Variants in TRIM4 observed in about 807,000 individuals in gnomAD.
TRIM4 encodes E3 ubiquitin-protein ligase TRIM4.
Under a neutral mutation model 33.7 loss-of-function variants are expected in TRIM4, and 29 were observed. That is an observed-to-expected ratio of 0.86 (90% CI 0.64 to 1.17). TRIM4 has a LOEUF of 1.17. TRIM4 is among the 50% of genes most tolerant of loss of function. TRIM4 has a pLI of 0.00. For synonymous variants in TRIM4, 224 were observed against 233.0 expected, an observed-to-expected ratio of 0.96 and a Z score of 0.35; for missense variants, 554 against 593.7, an observed-to-expected ratio of 0.93 and a Z score of 0.69.
intron 5 of TRIM4, among the ~76,000 whole-genome samples, chr7:99,900,512 A>T (rs947834219): frequency 6.6e-6 from 1 of 152,172 alleles, no homozygotes; most frequent in African/African-American, 2.4e-5. Flanking sequence ...ACAATAATAT[A>T]TATTTATTCG....
At chr7:99,895,048 G>A (rs1031926524) in intron 5 of TRIM4, among the ~76,000 whole-genome samples, 1 of 152,118 alleles carries the variant, frequency 6.6e-6, no homozygotes, top group Non-Finnish European at 1.5e-5. Flanking sequence ...TTGGCTTTCT[G>A]TATTTCACTG....
At chr7:99,897,245 C>T (rs932206709) in intron 5 of TRIM4, among the ~76,000 whole-genome samples, 1 of 152,076 alleles carries the variant, frequency 6.6e-6, no homozygotes, top group Non-Finnish European at 1.5e-5. Flanking sequence ...AAAAGAAGAC[C>T]AACCACACCC....
chr7:99,910,145 CA>C (rs1199063024), intron 1 of TRIM4, among the ~76,000 whole-genome samples: 4 of 152,196 alleles, frequency 2.6e-5, no homozygotes, highest in African/African-American at 9.7e-5. Context: ...GAAATCATCA[CA>C]ACACTATATT....
chr7:99,908,760 T>G lies in TRIM4; in HGVS notation c.542A>C (p.His181Pro), dbSNP rs746994341. ...GTCCTCTTCTTCAACCAGGAAGTTGTGCAGCTTTGAAAACTCCGTGCTGAT... is the reference window on the plus strand; with the variant it reads ...GTCCTCTTCTTCAACCAGGAAGTTGGGCAGCTTTGAAAACTCCGTGCTGAT... ...MRISTEFSKLHNFLVEEEDLF... is the reference protein window; with the variant it reads ...MRISTEFSKLPNFLVEEEDLF... The change falls in exon 3 of 6, where the codon CAC (histidine) becomes CCC (proline). Residue 181 changes from histidine to proline, a missense_variant. This residue lies in a region of TRIM4 where 31 missense variants were observed against 54.8 expected (regional missense o/e 0.57). Transcript: ENST00000349062. 3.7e-6 allele frequency: 6 copies of G among 1,614,216 alleles called. No individual in the cohort carries two copies. Among genetic ancestry groups the G allele is most frequent in the Middle Eastern group, 1.6e-4 (1 of 6,062 alleles).
chr7:99,899,756 G>A (rs930044527), intron 5 of TRIM4, among the ~76,000 whole-genome samples: 1 of 152,144 alleles, frequency 6.6e-6, no homozygotes, highest in South Asian at 2.1e-4. Context: ...TGGTGGGTGG[G>A]TGTGTGTGCG....
intron 5 of TRIM4, chr7:99,902,182 C>G: frequency 1.3e-6 from 1 of 764,408 alleles, no homozygotes; most frequent in South Asian, 1.3e-5. Context: ...TTGCTGCAGA[C>G]AAGAAAACAA....
chr7:99,919,228 G>C lies in TRIM4; in HGVS notation c.174C>G (p.Pro58=). Residue 58 remains proline, a synonymous_variant, in exon 1 of 6, where the codon CCC becomes CCG. Transcript: ENST00000349062. ...GGGCCCAGTTGGGTCGCAGCGCGGC[G>C]GGCGCCGATGGGTGCCGACATTCGG... is the stretch of plus-strand genomic sequence containing the variant. ...PCPECRHPSA[P]AALRPNWALA... is the part of the protein sequence containing the mutation. 2.0e-6 allele frequency: 3 copies of C among 1,521,892 alleles called. No homozygotes were observed. Among genetic ancestry groups the C allele is most frequent in the Non-Finnish European group, 1.8e-6 (2 of 1,135,262 alleles). 94.3% of individuals were successfully genotyped at this position (1,521,892 alleles called of 1,614,324 possible).
At chr7:99,893,371 G>A (rs1177129096) in intron 5 of TRIM4, among the ~76,000 whole-genome samples, 1 of 28,872 alleles carries the variant, frequency 3.5e-5, no homozygotes, top group Non-Finnish European at 6.5e-5. Context: ...AAATTCTCAC[G>A]TTGAATCAAA....
chr7:99,916,576 C>T, intron 1 of TRIM4: 1 of 690,720 alleles, frequency 1.4e-6, no homozygotes, highest in South Asian at 1.7e-5. Context: ...GAACTACCAT[C>T]CAAGACTCCT....
Position 99,890,901 on chromosome 7 carries a change from C to T in TRIM4, c.*1262G>A, listed in dbSNP as rs1315801366. Reference sequence around the variant, plus strand: ...AGTTAAAATAAAATCCTCGTTAAATCACTGCCTGAAAGTCTTTACTGAAAA... The same window carrying T: ...AGTTAAAATAAAATCCTCGTTAAATTACTGCCTGAAAGTCTTTACTGAAAA... On this transcript the variant is annotated 3_prime_UTR_variant, in exon 6 of 6. Transcript: ENST00000349062. 1.3e-5 allele frequency: 2 copies of T among 152,232 alleles called. No homozygotes were observed. Among genetic ancestry groups the T allele is most frequent in the East Asian group, 3.8e-4 (2 of 5,202 alleles). The allele number at this position is 152,232 out of a possible 1,614,324, so 9.4% of individuals were successfully genotyped here.
chr7:99,907,439 A>C (rs1038993163), intron 3 of TRIM4, among the ~76,000 whole-genome samples: 1 of 152,128 alleles, frequency 6.6e-6, no homozygotes, highest in Admixed American at 6.6e-5. Flanking sequence ...TCGTTTCCCT[A>C]ACTTTGCATT....
intron 1 of TRIM4, among the ~76,000 whole-genome samples, chr7:99,910,467 T>C (rs962143440): frequency 6.6e-6 from 1 of 152,192 alleles, no homozygotes; most frequent in African/African-American, 2.4e-5. Flanking sequence ...CAGGTAGCTG[T>C]CTATATATTG....
Position 99,919,233 on chromosome 7 carries a change from C to T in TRIM4, c.169G>A (p.Ala57Thr). 6.5e-7 allele frequency: 1 copy of T among 1,527,074 alleles called. No homozygotes were observed. Among genetic ancestry groups the T allele is most frequent in the Non-Finnish European group, 8.8e-7 (1 of 1,137,238 alleles). 94.6% of individuals were successfully genotyped at this position (1,527,074 alleles called of 1,614,324 possible). The stretch of plus-strand genomic sequence containing the variant: ...CAGTTGGGTCGCAGCGCGGCGGGCG[C>T]CGATGGGTGCCGACATTCGGGGCAG... ...FPCPECRHPSAPAALRPNWAL... is the reference protein window; with the variant it reads ...FPCPECRHPSTPAALRPNWAL... Residue 57 changes from alanine to threonine, a missense_variant, in exon 1 of 6, where the codon GCG (alanine) becomes ACG (threonine). Ala to Thr is a moderately conservative substitution (Grantham distance 58). Transcript: ENST00000349062.
chr7:99,903,256 T>C lies in TRIM4; in HGVS notation c.803A>G (p.Gln268Arg), dbSNP rs764222632. The change falls in exon 5 of 6, where the codon CAG (glutamine) becomes CGG (arginine). Residue 268 changes from glutamine (Q) to arginine (R), a missense_variant. Coordinates refer to ENST00000349062, the MANE Select transcript of TRIM4 (RefSeq NM_033091.3). Reference protein sequence around the residue: ...LEAVKVKTVCQIPLMKEMLKR... With the variant: ...LEAVKVKTVCRIPLMKEMLKR... ...TAGCATTTCCTTCATCAATGGTATC[T>C]GGCACACTGTCTTCACCTTTACAGC... 3.7e-6 allele frequency: 6 copies of C among 1,613,464 alleles called. No individual in the cohort carries two copies. Among genetic ancestry groups the C allele is most frequent in the Non-Finnish European group, 5.1e-6 (6 of 1,179,578 alleles).
At chr7:99,913,504 T>TA (rs1819489361) in intron 1 of TRIM4, among the ~76,000 whole-genome samples, 1 of 151,442 alleles carries the variant, frequency 6.6e-6, no homozygotes. Flanking sequence ...CCGTCTTTAC[T>TA]AAAAATACAA....
At chr7:99,909,477 C>T in intron 2 of TRIM4, 88 bp downstream of exon 2, 1 of 1,128,766 alleles carries the variant, frequency 8.9e-7, no homozygotes, top group Non-Finnish European at 1.3e-6. Flanking sequence ...CTGCAAAACC[C>T]CATGACCAAA....
intron 3 of TRIM4, among the ~76,000 whole-genome samples, chr7:99,906,530 A>T (rs765102071): frequency 6.6e-5 from 10 of 152,166 alleles, no homozygotes; most frequent in Non-Finnish European, 1.5e-4. Flanking sequence ...TATGACAATA[A>T]ATATAACAAT....
At position 99,912,905 on chromosome 7, in the gene TRIM4, A is replaced by G. The variant is rs996016485; in HGVS notation, c.394-3245T>C. 1.2e-4 allele frequency among the ~76,000 whole-genome samples: 18 copies of G among 152,344 alleles called. No individual in the cohort carries two copies. The East Asian group carries it at 3.1e-3, about 26-fold the overall frequency. On this transcript the variant is annotated intron_variant, in intron 1 of 5. Coordinates refer to ENST00000349062, the MANE Select transcript of TRIM4 (RefSeq NM_033091.3). The stretch of plus-strand genomic sequence containing the variant: ...TTTCCTAACATTATATCATCTATTT[A>G]CTATCTCTAGTAGTTAACTTTAATA...
At position 99,892,682 on chromosome 7, in the gene TRIM4, G is replaced by C. The variant is rs200534198; in HGVS notation, c.906C>G (p.Tyr302Ter). Reference sequence around the variant, plus strand: ...AACTGGCTGATGCTGTATTTTTCACGTATCTCCCTTCCTGGGAGAAGACGA... The same window carrying C: ...AACTGGCTGATGCTGTATTTTTCACCTATCTCCCTTCCTGGGAGAAGACGA... Reference protein sequence around the residue: ...PKLVFSQEGRYVKNTASASSW... With the variant: ...PKLVFSQEGR Residue 302 changes from tyrosine (Y) to a stop codon, truncating the protein, a stop_gained, in exon 6 of 6, where the codon TAC (tyrosine) becomes TAG (stop). Transcript: ENST00000349062. LOFTEE classifies it low-confidence loss of function (END_TRUNC). 6.8e-6 allele frequency: 11 copies of C among 1,613,944 alleles called. No homozygotes were observed. The highest frequency in any genetic ancestry group is 1.7e-5 in the Admixed American group (1 of 60,012).
Sources: allele counts gnomAD v4.1 joint callset (sites outside exome capture counted in the v4.1 genomes callset), GRCh38; gene constraint gnomAD v4.1.1; regional missense constraint gnomAD v4.1.1; transcripts MANE v1.5; gene names NCBI Gene and HGNC (gene_info 2026-07-23, HGNC 2026-07-21).